RABGEF1: variants seen among roughly 807,000 people sequenced by gnomAD.
RABGEF1 encodes the protein RAB guanine nucleotide exchange factor 1.
RABGEF1 carries 26 observed loss-of-function variants against 57.3 expected under a neutral mutation model. That is an observed-to-expected ratio of 0.45 (90% CI 0.33 to 0.63). The LOEUF (loss-of-function observed/expected upper bound fraction) is 0.63, where lower values mean the gene tolerates loss of function less well. Ranked by LOEUF, RABGEF1 falls within the 20% of genes least tolerant of loss-of-function variation. The pLI is 0.02. For missense variants in RABGEF1, 464 were observed against 607.6 expected (o/e 0.76, Z 2.48); for synonymous variants, 185 against 210.7 (o/e 0.88, Z 1.06).
chr7:66,775,481 T>G, intron 3 of RABGEF1, 88 bp downstream of exon 3: 1 of 1,482,564 alleles, frequency 6.7e-7, no homozygotes, highest in South Asian at 1.4e-5. Context: ...CTTTGTAATT[T>G]CTGTCAACTT....
intron 2 of RABGEF1, among the ~76,000 whole-genome samples, chr7:66,725,618 T>C (rs1479172842): frequency 6.6e-6 from 1 of 152,208 alleles, no homozygotes; most frequent in Non-Finnish European, 1.5e-5. Flanking sequence ...GTTCCATCCA[T>C]GGCAATTTTA....
chr7:66,781,807 G>C (rs1809977001), intron 3 of RABGEF1, among the ~76,000 whole-genome samples: 2 of 152,270 alleles, frequency 1.3e-5, no homozygotes, highest in South Asian at 4.1e-4. Context: ...AATGCTATCT[G>C]CTCAATTCAG....
Position 66,775,084 on chromosome 7 carries a change from T to C in RABGEF1, c.180-143T>C, listed in dbSNP as rs576367618. The C allele has an allele frequency of 3.8e-5, 32 of 847,740 alleles. No individual in the cohort carries two copies. In the East Asian group the frequency reaches 6.5e-4, roughly 17 times the overall value. The allele number at this position is 847,740 out of a possible 1,614,324, so 52.5% of individuals were successfully genotyped here. On this transcript the variant is annotated intron_variant, in intron 2 of 8. Transcript: ENST00000284957. ...TGAAGAGCCGTCCATCCTGTAGCAA[T>C]GTGAGACCTCAGACTGATTTGGCAT...
chr7:66,744,428 G>A (rs1023313318), intron 1 of RABGEF1, among the ~76,000 whole-genome samples: 10 of 151,894 alleles, frequency 6.6e-5, no homozygotes, highest in African/African-American at 2.4e-4. Context: ...CAGTACTTTG[G>A]GAGGCTGAGG....
chr7:66,753,809 C>CA (rs1387152287), intron 1 of RABGEF1, among the ~76,000 whole-genome samples: 1 of 144,636 alleles, frequency 6.9e-6, no homozygotes, highest in Non-Finnish European at 1.5e-5. Flanking sequence ...CGGGTTCAAG[C>CA]AATTCTCCTA....
At chr7:66,794,181 C>G (rs1351606246) in intron 4 of RABGEF1, among the ~76,000 whole-genome samples, 3 of 134,934 alleles carry the variant, frequency 2.2e-5, no homozygotes, top group Non-Finnish European at 3.2e-5. Flanking sequence ...ATCTGTGGCT[C>G]TGCTTTAGGT....
the RABGEF1 span, among the ~76,000 whole-genome samples, chr7:66,662,284 T>C: frequency 1.3e-5 from 2 of 150,388 alleles, no homozygotes; most frequent in African/African-American, 2.4e-5. Flanking sequence ...CTGTGCAACA[T>C]AGCGAAACCC....
At chr7:66,756,323 C>T (rs1310441321) in intron 1 of RABGEF1, among the ~76,000 whole-genome samples, 1 of 152,184 alleles carries the variant, frequency 6.6e-6, no homozygotes, top group African/African-American at 2.4e-5. Flanking sequence ...TTCCCTCATA[C>T]ACTGTAGGTG....
At chr7:66,700,487 C>CGGAGGGGGAGGAGGGTAGTGGGGG (rs35510019) in intron 1 of RABGEF1, among the ~76,000 whole-genome samples, 2 of 137,198 alleles carry the variant, frequency 1.5e-5, no homozygotes, top group Non-Finnish European at 3.2e-5. Flanking sequence ...AAGCGGGCCC[C>CGGAGGGGGAGGAGGGTAGTGGGGG]GGAGGGGGAG....
chr7:66,723,703 C>T (rs1320219824), intron 2 of RABGEF1, among the ~76,000 whole-genome samples: 4 of 149,148 alleles, frequency 2.7e-5, no homozygotes, highest in Non-Finnish European at 6.0e-5. Flanking sequence ...GCCTCAGCCT[C>T]CTGAGTAGCT....
intron 1 of RABGEF1, among the ~76,000 whole-genome samples, chr7:66,741,801 G>A (rs1451578941): frequency 2.0e-5 from 3 of 151,998 alleles, no homozygotes; most frequent in Admixed American, 2.0e-4. Context: ...CAGAGTGTTG[G>A]GATTATAGGC....
At chr7:66,798,288 G>A (rs912803404) in intron 6 of RABGEF1, among the ~76,000 whole-genome samples, 5 of 152,132 alleles carry the variant, frequency 3.3e-5, no homozygotes, top group South Asian at 2.1e-4. Flanking sequence ...CTCCAGTTGC[G>A]GTGGACACTG....
At chr7:66,801,059 A>G (rs539653792) in intron 7 of RABGEF1, among the ~76,000 whole-genome samples, 2 of 152,254 alleles carry the variant, frequency 1.3e-5, no homozygotes, top group South Asian at 2.1e-4. Context: ...AAAATTTTGA[A>G]AGTCATCAAG....
chr7:66,741,136 C>T (rs1466945698), intron 1 of RABGEF1, among the ~76,000 whole-genome samples: 2 of 152,192 alleles, frequency 1.3e-5, no homozygotes, highest in African/African-American at 4.8e-5. Flanking sequence ...CTCGCCCCGG[C>T]TCCCACCTTC....
chr7:66,739,014 A>C (rs1402552509), upstream of RABGEF1, among the ~76,000 whole-genome samples: 1 of 151,948 alleles, frequency 6.6e-6, no homozygotes, highest in African/African-American at 2.4e-5. Flanking sequence ...GCAATGGCGC[A>C]ATCTCAGCTC....
At chr7:66,681,465 G>C (rs1197984076), upstream of RABGEF1, among the ~76,000 whole-genome samples, 1 of 150,956 alleles carries the variant, frequency 6.6e-6, no homozygotes, top group Non-Finnish European at 1.5e-5. Context: ...GTTCAGTGGA[G>C]GGATCTCTGC....
intron 4 of RABGEF1, among the ~76,000 whole-genome samples, chr7:66,788,717 G>A (rs549857201): frequency 3.9e-5 from 6 of 152,204 alleles, no homozygotes; most frequent in Admixed American, 2.6e-4. Flanking sequence ...AGTGGCTCAC[G>A]CTTGTAATCC....
chr7:66,678,298 G>A (rs1789433160), upstream of RABGEF1, among the ~76,000 whole-genome samples: 1 of 152,078 alleles, frequency 6.6e-6, no homozygotes, highest in Non-Finnish European at 1.5e-5. Flanking sequence ...GGGCGCGGTG[G>A]CTCACGCCTG....
intron 4 of RABGEF1, among the ~76,000 whole-genome samples, chr7:66,789,937 A>G (rs948943434): frequency 4.6e-5 from 7 of 152,134 alleles, no homozygotes; most frequent in African/African-American, 1.7e-4. Context: ...TTGGAAGAGG[A>G]TGTGGATCCA....
Sources: allele counts gnomAD v4.1 joint callset (sites outside exome capture counted in the v4.1 genomes callset), GRCh38; gene constraint gnomAD v4.1.1; transcripts MANE v1.5; gene names NCBI Gene and HGNC (gene_info 2026-07-23, HGNC 2026-07-21).